The following HKDC1 variants were observed in gnomAD, a reference collection of about 807,000 sequenced individuals.
The protein encoded by HKDC1 is hexokinase domain containing 1, also known as hexokinase HKDC1.
A neutral mutation model predicts 96.6 loss-of-function variants in HKDC1; 66 were observed. The ratio of observed to expected loss-of-function variants is 0.68; its 90% CI spans 0.56 to 0.84. The LOEUF is 0.84. HKDC1 is among the 40% of genes least tolerant of loss of function. The pLI is 0.00. For synonymous variants in HKDC1, 466 were observed against 473.1 expected (o/e 0.98, Z 0.20); for missense variants, 1,211 against 1,208.1 (o/e 1.00, Z -0.04).
rs1329992189 is a variant in HKDC1 at position 69,265,544 on chromosome 10, C to A, written c.2373-41C>A. 1.9e-6 allele frequency: 3 copies of A among 1,576,196 alleles called. No homozygotes were observed. In the South Asian group the frequency reaches 3.3e-5, roughly 18 times the overall value. On this transcript the variant is annotated intron_variant, in intron 16 of 17. Coordinates refer to ENST00000354624, the MANE Select transcript of HKDC1 (RefSeq NM_025130.4). ...GGTCACACTGGGCACATCCCGGGGT[C>A]CTGGGAAGCAGGTCCTGACTCCCTG...
chr10:69,238,718 G>A, intron 4 of HKDC1, among the ~76,000 whole-genome samples: 1 of 152,248 alleles, frequency 6.6e-6, no homozygotes, highest in East Asian at 1.9e-4. Context: ...GAGAGAGGTA[G>A]GGAGGTGACA....
At chr10:69,246,297 G>T in intron 8 of HKDC1, 63 bp downstream of exon 8, 9 of 1,567,090 alleles carry the variant, frequency 5.7e-6, no homozygotes, top group Non-Finnish European at 7.9e-6. Context: ...GGTGTGGGGT[G>T]CTCCATGTGG....
intron 3 of HKDC1, 23 bp from the exon 4 acceptor site, chr10:69,232,991 A>G (rs1482275166): frequency 4.3e-6 from 7 of 1,613,544 alleles, no homozygotes; most frequent in Non-Finnish European, 5.1e-6. Flanking sequence ...TAGCCCATGT[A>G]CTTTGCTTTC....
intron 1 of HKDC1, among the ~76,000 whole-genome samples, chr10:69,221,036 T>G (rs1047642319): frequency 2.6e-5 from 4 of 151,834 alleles, no homozygotes; most frequent in Non-Finnish European, 2.9e-5. Context: ...TGTAATCCCA[T>G]CTACTCGGGA....
chr10:69,251,087 C>CTTTTT (rs869084452), intron 12 of HKDC1, among the ~76,000 whole-genome samples: 413 of 92,462 alleles, frequency 4.5e-3, no homozygotes, highest in East Asian at 8.3e-3. Flanking sequence ...AAATACATTT[C>CTTTTT]TTTTTTTTTT....
At chr10:69,231,060 T>C (rs1843251289) in intron 2 of HKDC1, among the ~76,000 whole-genome samples, 1 of 152,144 alleles carries the variant, frequency 6.6e-6, no homozygotes. Flanking sequence ...GTGGCATCCA[T>C]GAAATGGCAC....
At chr10:69,246,329 A>T in intron 8 of HKDC1, 95 bp downstream of exon 8, 7 of 1,311,192 alleles carry the variant, frequency 5.3e-6, no homozygotes, top group Non-Finnish European at 5.4e-6. Context: ...GAGGGACTAG[A>T]TCCTCCTCCT....
chr10:69,253,893 C>T (rs1843681363), intron 12 of HKDC1, among the ~76,000 whole-genome samples: 1 of 152,166 alleles, frequency 6.6e-6, no homozygotes, highest in Admixed American at 6.5e-5. Flanking sequence ...AGCCAAGCTT[C>T]CGAGACTGGC....
intron 12 of HKDC1, among the ~76,000 whole-genome samples, chr10:69,254,683 A>G (rs930164383): frequency 3.3e-5 from 5 of 152,210 alleles, no homozygotes; most frequent in Non-Finnish European, 7.3e-5. Context: ...TTCAAGGAAT[A>G]TTTTGCTCAG....
At chr10:69,220,747 G>A (rs1843047145) in intron 1 of HKDC1, among the ~76,000 whole-genome samples, 1 of 152,222 alleles carries the variant, frequency 6.6e-6, no homozygotes, top group Admixed American at 6.5e-5. Context: ...GGAAGCGGGT[G>A]AGGAGGGTGT....
intron 12 of HKDC1, 105 bp from the exon 13 acceptor site, chr10:69,256,931 C>G (rs1843724740): frequency 1.2e-6 from 1 of 846,960 alleles, no homozygotes; most frequent in African/African-American, 1.7e-5. Context: ...AGCACACGTA[C>G]TTGACAAGCA....
Position 69,232,779 on chromosome 10 carries a change from T to C in HKDC1, c.242T>C (p.Leu81Pro). 6.2e-7 allele frequency: 1 copy of C among 1,614,134 alleles called. No homozygotes were observed. The highest frequency in any genetic ancestry group is 8.5e-7 in the Non-Finnish European group (1 of 1,180,000). The stretch of plus-strand genomic sequence containing the variant: ...TTCTTAATAGAAAATGGGGAGTTCC[T>C]TTCCCTGGATCTCGGAGGGTCCAAG... ...IPDGSENGEF[L>P]SLDLGGSKFR... The change falls in exon 3 of 18, where the codon CTT becomes CCT. Residue 81 changes from leucine (L) to proline (P), a missense_variant. By Grantham distance (98) the Leu-to-Pro change is moderately conservative. Coordinates refer to ENST00000354624, the MANE Select transcript of HKDC1 (RefSeq NM_025130.4).
chr10:69,260,838 G>A (rs1843794334), intron 15 of HKDC1, among the ~76,000 whole-genome samples: 1 of 152,186 alleles, frequency 6.6e-6, no homozygotes, highest in Non-Finnish European at 1.5e-5. Context: ...TTTGCAGAGT[G>A]GAACAGATTT....
At chr10:69,231,061 G>A (rs1403105521) in intron 2 of HKDC1, among the ~76,000 whole-genome samples, 1 of 152,188 alleles carries the variant, frequency 6.6e-6, no homozygotes, top group African/African-American at 2.4e-5. Context: ...TGGCATCCAT[G>A]AAATGGCACC....
chr10:69,246,036 A>T (rs1843535996), intron 7 of HKDC1, 43 bp from the exon 8 acceptor site: 1 of 1,602,832 alleles, frequency 6.2e-7, no homozygotes, highest in African/African-American at 1.3e-5. Flanking sequence ...GATGCAGCTT[A>T]ATCAAAGGGG....
chr10:69,266,586 G>C, intron 17 of HKDC1, 24 bp from the exon 18 acceptor site: 1 of 1,611,602 alleles, frequency 6.2e-7, no homozygotes, highest in Non-Finnish European at 8.5e-7. Context: ...AAGGGCTGAT[G>C]ATGTTTCTTT....
chr10:69,239,686 T>A (rs146381210), intron 5 of HKDC1, among the ~76,000 whole-genome samples: 459 of 152,294 alleles, frequency 3.0e-3, no homozygotes, highest in African/African-American at 0.01. Flanking sequence ...GTTTGCTGCA[T>A]AGCCTTCCAG....
intron 8 of HKDC1, 87 bp from the exon 9 acceptor site, chr10:69,247,273 A>G: frequency 1.1e-6 from 1 of 876,086 alleles, no homozygotes; most frequent in Non-Finnish European, 1.9e-6. Flanking sequence ...AATTTTCACA[A>G]TCCTGAGAGG....
At chr10:69,243,133 C>T in intron 6 of HKDC1, 49 bp from the exon 7 acceptor site, 1 of 1,578,328 alleles carries the variant, frequency 6.3e-7, no homozygotes, top group Non-Finnish European at 8.7e-7. Flanking sequence ...TCTGTCTGTG[C>T]CCAGCTGGGA....
Sources: gnomAD v4.1 joint callset for allele counts (sites outside exome capture counted in the v4.1 genomes callset) on GRCh38, gnomAD v4.1.1 for gene constraint, MANE v1.5 for transcripts, NCBI Gene and HGNC (gene_info 2026-07-23, HGNC 2026-07-21) for gene names.